The following FAM98B variants were observed in gnomAD, a reference collection of about 807,000 sequenced individuals.
FAM98B encodes tRNA splicing ligase complex subunit 3B.
Under a neutral mutation model 43.9 loss-of-function variants are expected in FAM98B, and 32 were observed. That is an observed-to-expected ratio of 0.73 (90% CI 0.55 to 0.98). FAM98B has a LOEUF of 0.98. FAM98B is among the 50% of genes least tolerant of loss of function. The probability of loss-of-function intolerance (pLI) is 0.00; values close to 1 mark genes in which losing one functional copy is unlikely to be tolerated. For missense variants in FAM98B, 514 were observed against 522.9 expected (o/e 0.98, Z 0.17); for synonymous variants, 190 against 174.0 (o/e 1.09, Z -0.72).
At chr15:38,471,016 T>C (rs541073640) in intron 4 of FAM98B, among the ~76,000 whole-genome samples, 1 of 152,080 alleles carries the variant, frequency 6.6e-6, no homozygotes, top group East Asian at 1.9e-4. Flanking sequence ...GAGAGGATGC[T>C]ACTCTCACAG....
intron 1 of FAM98B, among the ~76,000 whole-genome samples, chr15:38,455,571 G>C (rs759879150): frequency 1.3e-5 from 2 of 152,196 alleles, no homozygotes; most frequent in African/African-American, 4.8e-5. Context: ...TATTTAGGGG[G>C]CATTTTTACT....
chr15:38,454,614 T>C (rs1409951167), intron 1 of FAM98B, among the ~76,000 whole-genome samples: 2 of 152,236 alleles, frequency 1.3e-5, no homozygotes, highest in East Asian at 1.9e-4. Flanking sequence ...GAGCTGCTGT[T>C]GAGGACTGTT....
In FAM98B at chr15:38,470,269, A is replaced by G; in HGVS notation, c.395A>G (p.Asn132Ser). 1.3e-6 allele frequency: 2 copies of G among 1,573,086 alleles called. No individual in the cohort carries two copies. The highest frequency in any genetic ancestry group is 1.2e-5 in the South Asian group (1 of 85,966). The change falls in exon 4 of 8, where the codon AAC becomes AGC. Residue 132 changes from asparagine to serine, a missense_variant. Asn to Ser is a conservative substitution (Grantham distance 46). Transcript: ENST00000397609. ...TELQASQILQ[N>S]KKHKNSQLDK... ...CTTCAAGCTTCACAGATATTACAGA[A>G]CAAGAAACATAAAAATTCTCAATTA...
chr15:38,463,956 C>A, intron 1 of FAM98B, 76 bp from the exon 2 acceptor site: 1 of 1,370,182 alleles, frequency 7.3e-7, no homozygotes. Context: ...AAGCAGCAGA[C>A]CTTGACACAG....
chr15:38,473,602 G>A lies in FAM98B; in HGVS notation c.612+17G>A, dbSNP rs371947818. The A allele has an allele frequency of 6.3e-7, 1 of 1,590,072 alleles. No individual in the cohort carries two copies. Among genetic ancestry groups the A allele is most frequent in the Non-Finnish European group, 8.6e-7 (1 of 1,167,472 alleles). ...GAACAGGCGGTAAATCCCCCTTTTTGTTATTAGTTTTATGTAATTACATTA... is the reference window on the plus strand; with the variant it reads ...GAACAGGCGGTAAATCCCCCTTTTTATTATTAGTTTTATGTAATTACATTA... On this transcript the variant is annotated intron_variant, in intron 5 of 7. Coordinates refer to ENST00000397609, the MANE Select transcript of FAM98B (RefSeq NM_173611.4).
At chr15:38,475,838 C>G (rs1236791323) in intron 6 of FAM98B, among the ~76,000 whole-genome samples, 1 of 152,052 alleles carries the variant, frequency 6.6e-6, no homozygotes, top group Admixed American at 6.6e-5. Flanking sequence ...TTTTTTCTTG[C>G]ATTGTATTTC....
rs201831942 is a variant in FAM98B, at chr15:38,484,605, AGGTGGT to A, written c.1272_1277del (p.Gly428_Gly429del). ...GAGGCTATGGAGATCCATATGGAGG[AGGTGGT>A]GGTGGTGGTGGTGGTGGTGGTGGAG... On this transcript the variant is annotated inframe_deletion, in exon 8 of 8. Coordinates refer to ENST00000397609, the MANE Select transcript of FAM98B (RefSeq NM_173611.4). 1.3e-3 allele frequency: 1,415 copies of A among 1,049,730 alleles called. 3 individuals are homozygous for A. In the African/African-American group the frequency reaches 0.017, roughly 12 times the overall value. The allele number at this position is 1,049,730 out of a possible 1,614,324, so 65.0% of individuals were successfully genotyped here. A position where few individuals can be genotyped will look rare whatever the true frequency, so the allele number is the denominator to read the frequency against.
chr15:38,454,709 A>G (rs998326274), intron 1 of FAM98B, among the ~76,000 whole-genome samples: 1 of 152,188 alleles, frequency 6.6e-6, no homozygotes, highest in Non-Finnish European at 1.5e-5. Context: ...GTTGTAGTTC[A>G]TTGCGAGTTC....
At chr15:38,467,202 C>G (rs149014979) in intron 3 of FAM98B, among the ~76,000 whole-genome samples, 85 of 152,262 alleles carry the variant, frequency 5.6e-4, no homozygotes, top group Middle Eastern at 6.8e-3. Flanking sequence ...ACAGTCTTAC[C>G]AGCATCTAGT....
chr15:38,469,619 T>G (rs1890093311), intron 3 of FAM98B, among the ~76,000 whole-genome samples: 2 of 152,256 alleles, frequency 1.3e-5, no homozygotes, highest in Admixed American at 6.5e-5. Flanking sequence ...TTGGTAGACA[T>G]GTACTTACTG....
intron 1 of FAM98B, among the ~76,000 whole-genome samples, chr15:38,454,495 G>GGGT (rs1194411541): frequency 6.6e-6 from 1 of 152,228 alleles, no homozygotes; most frequent in Non-Finnish European, 1.5e-5. Flanking sequence ...GGAATCCGCC[G>GGGT]GGTGGCGCGG....
intron 1 of FAM98B, among the ~76,000 whole-genome samples, chr15:38,461,310 T>TG (rs1314792058): frequency 6.6e-6 from 1 of 152,158 alleles, no homozygotes; most frequent in Non-Finnish European, 1.5e-5. Flanking sequence ...AGCCTTGAGC[T>TG]GGGGGGTGCA....
intron 6 of FAM98B, among the ~76,000 whole-genome samples, chr15:38,478,489 A>T (rs1471296409): frequency 6.6e-6 from 1 of 152,166 alleles, no homozygotes. Context: ...GTGATAGAAA[A>T]ATACGTCTGA....
At chr15:38,467,142 G>A (rs1288964518) in intron 3 of FAM98B, among the ~76,000 whole-genome samples, 8 of 151,804 alleles carry the variant, frequency 5.3e-5, no homozygotes, top group East Asian at 3.9e-4. Flanking sequence ...AATAGTCTCC[G>A]GTCTAGATGT....
At chr15:38,468,019 C>T (rs1184582573) in intron 3 of FAM98B, among the ~76,000 whole-genome samples, 1 of 152,108 alleles carries the variant, frequency 6.6e-6, no homozygotes, top group Admixed American at 6.5e-5. Context: ...TGGTGATTGC[C>T]TCTGGGAAGG....
intron 1 of FAM98B, chr15:38,459,033 A>C (rs796578674): frequency 2.9e-6 from 1 of 343,394 alleles, no homozygotes; most frequent in Admixed American, 3.6e-5. Context: ...ACCGGCCAGC[A>C]GATCCGTCAC....
At chr15:38,458,163 T>C (rs575911001) in intron 1 of FAM98B, among the ~76,000 whole-genome samples, 1 of 152,222 alleles carries the variant, frequency 6.6e-6, no homozygotes, top group African/African-American at 2.4e-5. Flanking sequence ...CAAGCGTAGC[T>C]TTTGGGCCAC....
chr15:38,484,643 G>A lies in FAM98B; in HGVS notation c.1286G>A (p.Gly429Glu). Residue 429 changes from glycine to glutamate, a missense_variant, in exon 8 of 8, where the codon GGA becomes GAA. Gly to Glu is a moderately conservative substitution (Grantham distance 98). Transcript: ENST00000397609. ...GGGGGGGGGG[G>E]YRRY ...GGTGGTGGTGGTGGTGGAGGAGGTG[G>A]ATATAGAAGATACTAAAAACTATAA... is the stretch of plus-strand genomic sequence containing the variant. 2 of 1,516,654 alleles carry A rather than the reference G, an allele frequency of 1.3e-6. No homozygotes were observed. The highest frequency in any genetic ancestry group is 1.4e-5 in the African/African-American group (1 of 70,552). The allele number at this position is 1,516,654 out of a possible 1,614,324, so 93.9% of individuals were successfully genotyped here.
rs1356725096 is a variant in FAM98B, at chr15:38,486,160, C to T, written c.*1501C>T. 1.3e-5 allele frequency: 2 copies of T among 151,628 alleles called. No individual in the cohort carries two copies. The highest frequency in any genetic ancestry group is 4.8e-5 in the African/African-American group (2 of 41,260). 9.4% of individuals were successfully genotyped at this position (151,628 alleles called of 1,614,324 possible). A position where few individuals can be genotyped will look rare whatever the true frequency, so the allele number is the denominator to read the frequency against. On this transcript the variant is annotated 3_prime_UTR_variant, in exon 8 of 8. Coordinates refer to ENST00000397609, the MANE Select transcript of FAM98B (RefSeq NM_173611.4). ...TTAGACATGTATTTTTCAAGCTAAC[C>T]CTTTGAAGAAATGTGTTCAAGGTAG...
Sources: gnomAD v4.1 joint callset for allele counts (sites outside exome capture counted in the v4.1 genomes callset) on GRCh38, gnomAD v4.1.1 for gene constraint, MANE v1.5 for transcripts, NCBI Gene and HGNC (gene_info 2026-07-23, HGNC 2026-07-21) for gene names.